ADD2: variants seen among roughly 807,000 people sequenced by gnomAD.
ADD2 encodes adducin 2, also known as beta-adducin.
A neutral mutation model predicts 83.0 loss-of-function variants in ADD2; 23 were observed. That is an observed-to-expected ratio of 0.28 (90% CI 0.20 to 0.39). ADD2 has a LOEUF of 0.39. Among genes scored for constraint, ADD2 ranks in the 10% least tolerant of loss-of-function variants. The pLI is 1.00. For synonymous variants in ADD2, 375 were observed against 375.4 expected (o/e 1.00, Z 0.01); for missense variants, 758 against 944.9 (o/e 0.80, Z 2.59).
At chr2:70,702,265 C>T (rs1283296859) in intron 4 of ADD2, among the ~76,000 whole-genome samples, 1 of 152,150 alleles carries the variant, frequency 6.6e-6, no homozygotes. Flanking sequence ...CTCTAGGGTT[C>T]AAACAATTCT....
chr2:70,767,629 G>A, intron 1 of ADD2: 1 of 1,297,616 alleles, frequency 7.7e-7, no homozygotes, highest in Non-Finnish European at 9.7e-7. Context: ...CTCCGGGCGA[G>A]GGTCCCACCA....
intron 14 of ADD2, 92 bp downstream of exon 14, chr2:70,674,586 G>T: frequency 7.6e-7 from 1 of 1,323,558 alleles, no homozygotes; most frequent in Non-Finnish European, 1.0e-6. Context: ...ATTCTTTGAT[G>T]ATGGGGCAGG....
chr2:70,703,244 G>A (rs1223182509), intron 4 of ADD2, among the ~76,000 whole-genome samples: 1 of 151,960 alleles, frequency 6.6e-6, no homozygotes, highest in Non-Finnish European at 1.5e-5. Context: ...AAGAGAGAGA[G>A]AAAGGAAGAA....
intron 1 of ADD2, among the ~76,000 whole-genome samples, chr2:70,721,333 C>G (rs1553377310): frequency 6.6e-6 from 1 of 152,178 alleles, no homozygotes; most frequent in African/African-American, 2.4e-5. Context: ...TATCCATTTT[C>G]ACCTCAGATC....
At chr2:70,728,104 C>T (rs1420887787) in intron 1 of ADD2, among the ~76,000 whole-genome samples, 12 of 152,018 alleles carry the variant, frequency 7.9e-5, no homozygotes, top group African/African-American at 1.9e-4. Context: ...TGCTGTGCTC[C>T]GCATTCTCCC....
intron 1 of ADD2, among the ~76,000 whole-genome samples, chr2:70,757,406 C>T (rs1198924651): frequency 2.0e-5 from 3 of 150,724 alleles, no homozygotes; most frequent in Non-Finnish European, 4.4e-5. Context: ...GGACAGGAGA[C>T]GAATAAAGAA....
At chr2:70,730,381 C>A (rs192493298) in intron 1 of ADD2, among the ~76,000 whole-genome samples, 2 of 152,340 alleles carry the variant, frequency 1.3e-5, no homozygotes, top group East Asian at 3.9e-4. Flanking sequence ...ATTAGTCACA[C>A]AGATGCATGC....
At chr2:70,742,923 A>G (rs1377665221) in intron 1 of ADD2, among the ~76,000 whole-genome samples, 1 of 152,198 alleles carries the variant, frequency 6.6e-6, no homozygotes, top group Non-Finnish European at 1.5e-5. Context: ...AACTTTGCCC[A>G]TGAGGGAAAA....
intron 1 of ADD2, among the ~76,000 whole-genome samples, chr2:70,730,553 C>A (rs3771425): frequency 0.14 from 21,559 of 152,208 alleles, 1,662 homozygotes; most frequent in East Asian, 0.29. Flanking sequence ...GCCTCTCTGC[C>A]CCAAATCTTA....
At chr2:70,720,106 T>C (rs1230063388) in intron 1 of ADD2, among the ~76,000 whole-genome samples, 2 of 152,176 alleles carry the variant, frequency 1.3e-5, no homozygotes, top group African/African-American at 4.8e-5. Flanking sequence ...TTTTTTTTAC[T>C]GGGCATTTCC....
intron 1 of ADD2, among the ~76,000 whole-genome samples, chr2:70,733,038 TCA>T (rs1241612246): frequency 1.3e-5 from 2 of 152,212 alleles, no homozygotes; most frequent in Admixed American, 6.5e-5. Flanking sequence ...TGAGTCTCTC[TCA>T]CAGTTTCCCA....
intron 7 of ADD2, 130 bp from the exon 8 acceptor site, chr2:70,691,059 C>A: frequency 8.6e-7 from 1 of 1,166,412 alleles, no homozygotes; most frequent in Non-Finnish European, 1.2e-6. Context: ...GGTTGGGGAG[C>A]AGGCACAAGA....
At chr2:70,754,031 C>A (rs1674650535) in intron 1 of ADD2, among the ~76,000 whole-genome samples, 1 of 152,146 alleles carries the variant, frequency 6.6e-6, no homozygotes, top group Non-Finnish European at 1.5e-5. Flanking sequence ...AGCCTTCTAT[C>A]CCCTCCATGA....
At chr2:70,757,058 CCT>C (rs1674832588) in intron 1 of ADD2, among the ~76,000 whole-genome samples, 1 of 152,150 alleles carries the variant, frequency 6.6e-6, no homozygotes, top group Non-Finnish European at 1.5e-5. Flanking sequence ...GAACTCCTGA[CCT>C]CAAGTGATCC....
In ADD2 at chr2:70,692,484, G is replaced by A. The variant is rs147916626; in HGVS notation, c.624C>T (p.Gly208=). 45 of 1,613,080 alleles carry A rather than the reference G, an allele frequency of 2.8e-5. No homozygotes were observed. The South Asian group carries it at 2.9e-4, about 10-fold the overall frequency. The change falls in exon 7 of 16, where the codon GGC becomes GGT. Residue 208 remains glycine (G), a synonymous_variant. Transcript: ENST00000264436. ...GSSCFPVDTT[G]FCLHSAIYAA... ...CATAGATGGCCGAGTGCAGACAGAA[G>A]CCTGTGGTGTCCACTGGGAAGCAGC...
At chr2:70,686,503 G>C (rs781856805) in intron 9 of ADD2, among the ~76,000 whole-genome samples, 7 of 152,188 alleles carry the variant, frequency 4.6e-5, no homozygotes, top group Non-Finnish European at 8.8e-5. Context: ...TTCACCATGT[G>C]GGGTGGTGCG....
chr2:70,688,041 C>A lies in ADD2; in HGVS notation c.931G>T (p.Ala311Ser). Residue 311 changes from alanine to serine, a missense_variant, in exon 9 of 16, where the codon GCT (alanine) becomes TCT (serine). Coordinates refer to ENST00000264436, the MANE Select transcript of ADD2 (RefSeq NM_001617.4). ...EAFYKIFHLQ[A>S]ACEIQVSALS... Reference sequence around the variant, plus strand: ...TTGCTCACCTGTATCTCACATGCAGCCTGCAGGTGGAAGATCTTGTAAAAT... The same window carrying A: ...TTGCTCACCTGTATCTCACATGCAGACTGCAGGTGGAAGATCTTGTAAAAT... The A allele has an allele frequency of 6.2e-7, 1 of 1,613,970 alleles. No homozygotes were observed. Among genetic ancestry groups the A allele is most frequent in the Non-Finnish European group, 8.5e-7 (1 of 1,179,830 alleles).
chr2:70,698,480 C>A (rs112960089), intron 4 of ADD2, among the ~76,000 whole-genome samples: 1 of 152,038 alleles, frequency 6.6e-6, no homozygotes, highest in African/African-American at 2.4e-5. Context: ...ACAGACAGAC[C>A]GAATAAGTTC....
chr2:70,693,264 C>T (rs1415819570), intron 6 of ADD2, among the ~76,000 whole-genome samples: 1 of 152,236 alleles, frequency 6.6e-6, no homozygotes. Flanking sequence ...TACGCTCTCA[C>T]TGAACACCTC....
Sources: allele counts gnomAD v4.1 joint callset (sites outside exome capture counted in the v4.1 genomes callset), GRCh38; gene constraint gnomAD v4.1.1; transcripts MANE v1.5; gene names NCBI Gene and HGNC (gene_info 2026-07-23, HGNC 2026-07-21).